The following CNTNAP4 variants were observed in gnomAD, a reference collection of about 807,000 sequenced individuals.
CNTNAP4 encodes contactin associated protein family member 4.
CNTNAP4 carries 98 observed loss-of-function variants against 148.4 expected under a neutral mutation model. That is an observed-to-expected ratio of 0.66 (90% CI 0.56 to 0.78). The LOEUF (loss-of-function observed/expected upper bound fraction) is 0.78, where lower values mean the gene tolerates loss of function less well. Ranked by LOEUF, CNTNAP4 falls within the 30% of genes least tolerant of loss-of-function variation. The pLI, the probability that CNTNAP4 is intolerant of heterozygous loss-of-function variation, is 0.00. For synonymous variants in CNTNAP4, 730 were observed against 565.1 expected (o/e 1.29, Z -4.14); for missense variants, 1,935 against 1,565.6 (o/e 1.24, Z -3.98).
rs192394006 is a variant in CNTNAP4 at position 76,368,305 on chromosome 16, T to G, written c.390+12794T>G. Among the ~76,000 whole-genome samples, 16 of 152,324 alleles carry G rather than the reference T, an allele frequency of 1.1e-4. No individual in the cohort carries two copies. In the East Asian group the frequency reaches 2.9e-3, roughly 28 times the overall value. On this transcript the variant is annotated intron_variant, in intron 3 of 23. Coordinates refer to ENST00000611870, the MANE Select transcript of CNTNAP4 (RefSeq NM_033401.5). ...ATATCCAAATCTCTGCTTTTACATGTGGTAGCTACTAGCCACACAGGGTCA... is the reference window on the plus strand; with the variant it reads ...ATATCCAAATCTCTGCTTTTACATGGGGTAGCTACTAGCCACACAGGGTCA...
chr16:76,409,006 T>G (rs2078700717), intron 3 of CNTNAP4, among the ~76,000 whole-genome samples: 1 of 152,008 alleles, frequency 6.6e-6, no homozygotes, highest in African/African-American at 2.4e-5. Flanking sequence ...AATGAGTCAT[T>G]ATGTCTGTTA....
chr16:76,384,253 A>G (rs62051175), intron 3 of CNTNAP4, among the ~76,000 whole-genome samples: 4,068 of 152,132 alleles, frequency 0.027, 80 homozygotes, highest in Non-Finnish European at 0.042. Context: ...TATGTTGGTC[A>G]GGTTGGTCTT....
rs150425968 is a variant in CNTNAP4, at chr16:76,460,773, A to AATATATATATATATATAT, written c.1334-1178_1334-1161dup. Among the ~76,000 whole-genome samples the AATATATATATATATATAT allele has an allele frequency of 7.9e-4, 45 of 57,256 alleles. 1 individual carries two copies. Among genetic ancestry groups the AATATATATATATATATAT allele is most frequent in the Non-Finnish European group, 9.8e-4 (30 of 30,478 alleles). 37.6% of individuals were successfully genotyped at this position (57,256 alleles called of 152,430 possible). A position where few individuals can be genotyped will look rare whatever the true frequency, so the allele number is the denominator to read the frequency against. ...TGTCTCAAAAAAAAAAAAAAAAAAA[A>AATATATATATATATATAT]ATATATATATATATATATATATTTA... On this transcript the variant is annotated intron_variant, in intron 8 of 23. Coordinates refer to ENST00000611870, the MANE Select transcript of CNTNAP4 (RefSeq NM_033401.5).
chr16:76,547,990 G>A (rs1011989527), intron 21 of CNTNAP4, among the ~76,000 whole-genome samples: 1 of 152,154 alleles, frequency 6.6e-6, no homozygotes, highest in African/African-American at 2.4e-5. Context: ...CTTGTAAAAT[G>A]ACACTTAAAA....
chr16:76,452,336 C>G (rs1213715091), intron 7 of CNTNAP4, among the ~76,000 whole-genome samples, 172 bp from the exon 8 acceptor site: 1 of 152,120 alleles, frequency 6.6e-6, no homozygotes, highest in African/African-American at 2.4e-5. Context: ...AAGAGCAGAG[C>G]AAAGGGTTGA....
At chr16:76,457,584 A>G (rs916561411) in intron 8 of CNTNAP4, among the ~76,000 whole-genome samples, 1 of 152,160 alleles carries the variant, frequency 6.6e-6, no homozygotes, top group African/African-American at 2.4e-5. Flanking sequence ...ATCCTGCTGC[A>G]TGCCTAACCA....
At chr16:76,518,639 T>C (rs2144077891) in intron 15 of CNTNAP4, among the ~76,000 whole-genome samples, 1 of 152,246 alleles carries the variant, frequency 6.6e-6, no homozygotes, top group South Asian at 2.1e-4. Context: ...TGTGTAATGA[T>C]CCAGTCAGGG....
chr16:76,377,959 T>C (rs945475480), intron 3 of CNTNAP4, among the ~76,000 whole-genome samples: 1 of 152,186 alleles, frequency 6.6e-6, no homozygotes, highest in African/African-American at 2.4e-5. Context: ...ATTTCATTTT[T>C]CTAGAAGAAT....
intron 3 of CNTNAP4, among the ~76,000 whole-genome samples, chr16:76,426,519 T>G (rs370171606): frequency 6.6e-6 from 1 of 152,196 alleles, no homozygotes; most frequent in South Asian, 2.1e-4. Flanking sequence ...GAACAACTTC[T>G]GCTTCATGCT....
chr16:76,523,129 TG>T (rs1278830519), intron 17 of CNTNAP4, among the ~76,000 whole-genome samples: 1 of 152,074 alleles, frequency 6.6e-6, no homozygotes, highest in Non-Finnish European at 1.5e-5. Flanking sequence ...ATTATCTTAT[TG>T]TTTTATTATG....
chr16:76,531,185 A>G (rs1360568358), intron 17 of CNTNAP4, among the ~76,000 whole-genome samples: 4 of 152,194 alleles, frequency 2.6e-5, no homozygotes, highest in African/African-American at 9.7e-5. Context: ...ATTAATTCTC[A>G]ATAATATTCA....
chr16:76,367,692 T>C (rs923798153), intron 3 of CNTNAP4, among the ~76,000 whole-genome samples: 1 of 152,200 alleles, frequency 6.6e-6, no homozygotes. Context: ...GAACAACTTT[T>C]AAATATCCCA....
chr16:76,430,107 T>A (rs1414466727), intron 4 of CNTNAP4, among the ~76,000 whole-genome samples: 2 of 152,212 alleles, frequency 1.3e-5, no homozygotes, highest in Non-Finnish European at 2.9e-5. Flanking sequence ...TACACCATAG[T>A]CATGCTCACA....
chr16:76,358,956 A>G (rs576484977), intron 3 of CNTNAP4, among the ~76,000 whole-genome samples: 1 of 152,248 alleles, frequency 6.6e-6, no homozygotes, highest in East Asian at 1.9e-4. Context: ...TCTATTCCAT[A>G]GTTACTCTGG....
At chr16:76,466,336 A>G (rs2081175790) in intron 9 of CNTNAP4, among the ~76,000 whole-genome samples, 2 of 152,186 alleles carry the variant, frequency 1.3e-5, no homozygotes, top group South Asian at 2.1e-4. Flanking sequence ...AAGACCTACT[A>G]TAGGATAGCA....
At chr16:76,521,958 A>G (rs2083470496) in intron 16 of CNTNAP4, 81 bp from the exon 17 acceptor site, 6 of 1,210,090 alleles carry the variant, frequency 5.0e-6, no homozygotes, top group Non-Finnish European at 6.1e-6. Flanking sequence ...GTTACGCTGT[A>G]GTGTGTTCCT....
intron 3 of CNTNAP4, among the ~76,000 whole-genome samples, chr16:76,421,677 C>T (rs568647854): frequency 2.9e-4 from 39 of 136,132 alleles, no homozygotes; most frequent in African/African-American, 9.3e-4. Flanking sequence ...ATTTATTTAG[C>T]ATCTGAATGT....
At chr16:76,321,115 A>G (rs1962358024) in intron 2 of CNTNAP4, among the ~76,000 whole-genome samples, 1 of 152,100 alleles carries the variant, frequency 6.6e-6, no homozygotes, top group Non-Finnish European at 1.5e-5. Flanking sequence ...TCCATTTTCT[A>G]TTTTTTAAAC....
intron 2 of CNTNAP4, among the ~76,000 whole-genome samples, chr16:76,347,118 G>A (rs1255229956): frequency 1.4e-5 from 2 of 147,176 alleles, no homozygotes; most frequent in Non-Finnish European, 3.0e-5. Context: ...ATTAAGCTGT[G>A]TAGGTGTGAG....
Sources: gnomAD v4.1 joint callset for allele counts (sites outside exome capture counted in the v4.1 genomes callset) on GRCh38, gnomAD v4.1.1 for gene constraint, MANE v1.5 for transcripts, NCBI Gene and HGNC (gene_info 2026-07-23, HGNC 2026-07-21) for gene names.